RBM44: variants seen among roughly 807,000 people sequenced by gnomAD.
RBM44 encodes the protein RNA-binding protein 44.
In RBM44, 66 loss-of-function variants were observed where a neutral mutation model predicts 105.1. The observed-to-expected ratio is 0.63, with a 90% CI of 0.52 to 0.77. RBM44 has a LOEUF of 0.77. Ranked by LOEUF, RBM44 falls within the 30% of genes least tolerant of loss-of-function variation. The pLI, the probability that RBM44 is intolerant of heterozygous loss-of-function variation, is 0.00. For synonymous variants in RBM44, 365 were observed against 417.6 expected (o/e 0.87, Z 1.54); for missense variants, 1,122 against 1,207.8 (o/e 0.93, Z 1.05).
chr2:237,807,982 G>A (rs2061615996), intron 1 of RBM44, among the ~76,000 whole-genome samples: 1 of 151,980 alleles, frequency 6.6e-6, no homozygotes. Flanking sequence ...AACATCACCA[G>A]ACATCCAAAA....
intron 9 of RBM44, 36 bp downstream of exon 9, chr2:237,823,590 G>A: frequency 3.2e-6 from 3 of 941,950 alleles, no homozygotes; most frequent in East Asian, 2.7e-5. Flanking sequence ...TATAGTTGCT[G>A]GAAAACAAAA....
At position 237,818,232 on chromosome 2, in the gene RBM44, CAAAGA is replaced by C; in HGVS notation, c.1317_1321del (p.Lys439AsnfsTer12). 1 of 1,613,096 alleles carries C rather than the reference CAAAGA, an allele frequency of 6.2e-7. No homozygotes were observed. Among genetic ancestry groups the C allele is most frequent in the African/African-American group, 1.3e-5 (1 of 74,980 alleles). The stretch of plus-strand genomic sequence containing the variant: ...CTAAAAGTTGCTCATAGCAGTACCA[CAAAGA>C]AAACATGCTTTCACAATATAGGAGA... On this transcript the variant is annotated frameshift_variant, in exon 3 of 16. Coordinates refer to ENST00000316997, the MANE Select transcript of RBM44 (RefSeq NM_001080504.3). LOFTEE classifies it high-confidence loss of function. The surrounding 1 kb of genome is among the most constrained non-coding windows in gnomAD (Gnocchi z 4.6).
chr2:237,801,840 A>G (rs2061549346), intron 1 of RBM44, among the ~76,000 whole-genome samples: 1 of 152,134 alleles, frequency 6.6e-6, no homozygotes, highest in African/African-American at 2.4e-5. Context: ...ACTGTGCTAT[A>G]CAATTATTGT....
At chr2:237,810,436 A>G (rs1371885435) in intron 1 of RBM44, among the ~76,000 whole-genome samples, 2 of 152,224 alleles carry the variant, frequency 1.3e-5, no homozygotes, top group Admixed American at 6.5e-5. Context: ...GGTCCCAGCT[A>G]TCACATCCTG....
chr2:237,821,304 A>C, intron 6 of RBM44, 42 bp from the exon 7 acceptor site: 1 of 1,557,142 alleles, frequency 6.4e-7, no homozygotes. Flanking sequence ...TTTAGACAAA[A>C]CATTTTAAAC....
chr2:237,817,004 A>C lies in RBM44; in HGVS notation c.85A>C (p.Asn29His), dbSNP rs759769542. The C allele has an allele frequency of 2.0e-6, 3 of 1,528,738 alleles. No individual in the cohort carries two copies. Among genetic ancestry groups the C allele is most frequent in the Non-Finnish European group, 2.6e-6 (3 of 1,138,070 alleles). 94.7% of individuals were successfully genotyped at this position (1,528,738 alleles called of 1,614,324 possible). The stretch of plus-strand genomic sequence containing the variant: ...CTTTTTTTAATCAGATAAACCTTCA[A>C]ATCCAAAGAAAGAAAATTTGTTATT... ...GGNLQKDKPS[N>H]PKKENLLLSS... Residue 29 changes from asparagine to histidine, a missense_variant, in exon 3 of 16, where the codon AAT (asparagine) becomes CAT (histidine). This residue lies in a region of RBM44 where 918 missense variants were observed against 955.3 expected (regional missense o/e 0.96). Coordinates refer to ENST00000316997, the MANE Select transcript of RBM44 (RefSeq NM_001080504.3).
At chr2:237,812,632 C>T (rs1347542802) in intron 1 of RBM44, among the ~76,000 whole-genome samples, 2 of 151,488 alleles carry the variant, frequency 1.3e-5, no homozygotes, top group East Asian at 1.9e-4. Flanking sequence ...CTTTTTTTTC[C>T]CCAAATTCAT....
Position 237,824,356 on chromosome 2 carries a change from G to A in RBM44, c.2386G>A (p.Asp796Asn), listed in dbSNP as rs141382362. ...SDAKESLTGV[D>N]VSGTQGNQVE... ...TGCTAAAGAGAGCCTGACAGGAGTT[G>A]ACGTCTCAGGGACACAGGGAAATCA... Residue 796 changes from aspartate (D) to asparagine (N), a missense_variant, in exon 10 of 16, where the codon GAC becomes AAC. By Grantham distance (23) the Asp-to-Asn change is conservative. Around this residue, in one of 3 missense-constraint regions of RBM44, gnomAD observed 918 missense variants for 955.3 expected, o/e 0.96. Coordinates refer to ENST00000316997, the MANE Select transcript of RBM44 (RefSeq NM_001080504.3). 2.4e-4 allele frequency: 385 copies of A among 1,612,800 alleles called. 4 individuals are homozygous for A. In the East Asian group the frequency reaches 7.7e-3, roughly 32 times the overall value.
intron 15 of RBM44, among the ~76,000 whole-genome samples, chr2:237,840,243 T>C (rs1189403883): frequency 8.5e-6 from 1 of 118,066 alleles, no homozygotes; most frequent in Non-Finnish European, 1.8e-5. Context: ...TGGAACAGAA[T>C]AGAAACCTCA....
chr2:237,817,810 T>C lies in RBM44; in HGVS notation c.891T>C (p.Ser297=), dbSNP rs753576215. The change falls in exon 3 of 16, where the codon AGT becomes AGC. Residue 297 remains serine (S), a synonymous_variant. Coordinates refer to ENST00000316997, the MANE Select transcript of RBM44 (RefSeq NM_001080504.3). ...TGTACCACACTGTATTTGATGGCAGTGTACTAAGAAGCAATTCTCCAGGAA... is the reference window on the plus strand; with the variant it reads ...TGTACCACACTGTATTTGATGGCAGCGTACTAAGAAGCAATTCTCCAGGAA... ...NSMYHTVFDG[S]VLRSNSPGNQ... The C allele has an allele frequency of 1.9e-6, 3 of 1,612,234 alleles. No homozygotes were observed. Among genetic ancestry groups the C allele is most frequent in the South Asian group, 1.1e-5 (1 of 90,906 alleles).
In RBM44 at chr2:237,834,411, A is replaced by C; in HGVS notation, c.*10A>C. 1 of 1,491,748 alleles carries C rather than the reference A, an allele frequency of 6.7e-7. No homozygotes were observed. The highest frequency in any genetic ancestry group is 1.4e-5 in the South Asian group (1 of 73,710). 92.4% of individuals were successfully genotyped at this position (1,491,748 alleles called of 1,614,324 possible). On this transcript the variant is annotated 3_prime_UTR_variant, in exon 15 of 16. Coordinates refer to ENST00000316997, the MANE Select transcript of RBM44 (RefSeq NM_001080504.3). ...CTCTGCTTCCAGTTAGGAATTCAAAAAACAATAAAGAGGTAAAGTAATCAT... is the reference window on the plus strand; with the variant it reads ...CTCTGCTTCCAGTTAGGAATTCAAACAACAATAAAGAGGTAAAGTAATCAT...
At chr2:237,832,536 G>A (rs1323531591) in intron 13 of RBM44, among the ~76,000 whole-genome samples, 1 of 152,126 alleles carries the variant, frequency 6.6e-6, no homozygotes, top group African/African-American at 2.4e-5. Context: ...AACACTCTTG[G>A]TCCTGTCAGC....
chr2:237,829,549 TGCTGTAAG>T, intron 13 of RBM44, 47 bp downstream of exon 13: 8 of 1,482,882 alleles, frequency 5.4e-6, no homozygotes, highest in Non-Finnish European at 7.3e-6. Flanking sequence ...TACGTCATAT[TGCTGTAAG>T]TAGCTTTGTA....
chr2:237,799,469 T>C (rs1427992850), intron 1 of RBM44: 1 of 152,212 alleles, frequency 6.6e-6, no homozygotes, highest in Non-Finnish European at 1.5e-5. Flanking sequence ...ACTTTTTGCA[T>C]TTTTTTAGTA....
chr2:237,833,180 T>A (rs1253075000), intron 13 of RBM44, among the ~76,000 whole-genome samples: 1 of 152,140 alleles, frequency 6.6e-6, no homozygotes, highest in Non-Finnish European at 1.5e-5. Context: ...GAGACAAAAA[T>A]CTGTACTCTT....
In RBM44 at chr2:237,834,125, G is replaced by T. The variant is rs776312945; in HGVS notation, c.3015G>T (p.Leu1005=). 6.4e-7 allele frequency: 1 copy of T among 1,569,398 alleles called. No individual in the cohort carries two copies. The highest frequency in any genetic ancestry group is 8.6e-7 in the Non-Finnish European group (1 of 1,158,216). ...AGATCATAAAGAGACTGGCTGAACTGCATCCAGAAGTCAGCAGGTAATAAC... is the reference window on the plus strand; with the variant it reads ...AGATCATAAAGAGACTGGCTGAACTTCATCCAGAAGTCAGCAGGTAATAAC... The part of the protein sequence containing the change: ...FTKIIKRLAE[L]HPEVSRDHII... Residue 1005 remains leucine (L), a synonymous_variant, in exon 14 of 16, where the codon CTG becomes CTT. Transcript: ENST00000316997.
Position 237,818,702 on chromosome 2 carries a change from C to A in RBM44, c.1677+106C>A. 1.3e-6 allele frequency: 1 copy of A among 764,776 alleles called. No individual in the cohort carries two copies. The highest frequency in any genetic ancestry group is 2.0e-6 in the Non-Finnish European group (1 of 493,990). The allele number at this position is 764,776 out of a possible 1,614,324, so 47.4% of individuals were successfully genotyped here. A position where few individuals can be genotyped will look rare whatever the true frequency, so the allele number is the denominator to read the frequency against. On this transcript the variant is annotated intron_variant, in intron 3 of 15. Transcript: ENST00000316997. The surrounding 1 kb of genome is among the most constrained non-coding windows in gnomAD (Gnocchi z 4.6). Reference sequence around the variant, plus strand: ...GAATTAAGGCTTTTGTGAGAAGATGCTAGATGAGGGGAGTAAATTAAAAAG... The same window carrying A: ...GAATTAAGGCTTTTGTGAGAAGATGATAGATGAGGGGAGTAAATTAAAAAG...
chr2:237,817,492 A>G lies in RBM44; in HGVS notation c.573A>G (p.Ala191=), dbSNP rs2150977370. Residue 191 remains alanine, a synonymous_variant, in exon 3 of 16, where the codon GCA becomes GCG. Coordinates refer to ENST00000316997, the MANE Select transcript of RBM44 (RefSeq NM_001080504.3). ...DEDSQQEYHS[A]EEQEYISNHL... Reference sequence around the variant, plus strand: ...ACTCACAGCAGGAATATCACAGTGCAGAAGAACAAGAATACATAAGTAACC... The same window carrying G: ...ACTCACAGCAGGAATATCACAGTGCGGAAGAACAAGAATACATAAGTAACC... 1 of 1,604,966 alleles carries G rather than the reference A, an allele frequency of 6.2e-7. No homozygotes were observed. The highest frequency in any genetic ancestry group is 8.5e-7 in the Non-Finnish European group (1 of 1,174,984).
intron 12 of RBM44, among the ~76,000 whole-genome samples, chr2:237,828,066 T>A (rs1421161058): frequency 6.6e-6 from 1 of 152,212 alleles, no homozygotes; most frequent in East Asian, 1.9e-4. Flanking sequence ...AGTTACTTTT[T>A]AGTTGACACT....
Sources: allele counts gnomAD v4.1 joint callset (sites outside exome capture counted in the v4.1 genomes callset), GRCh38; gene constraint gnomAD v4.1.1; regional missense constraint gnomAD v4.1.1; non-coding constraint Gnocchi (gnomAD v3.1); transcripts MANE v1.5; gene names NCBI Gene and HGNC (gene_info 2026-07-23, HGNC 2026-07-21).